Variants in SEPTIN4 observed in about 807,000 individuals in gnomAD.
SEPTIN4 encodes the protein septin 4, also known as septin-4.
SEPTIN4 carries 52 observed loss-of-function variants against 107.1 expected under a neutral mutation model. That is an observed-to-expected ratio of 0.49 (90% CI 0.39 to 0.61). The LOEUF (loss-of-function observed/expected upper bound fraction) is 0.61. Among genes scored for constraint, SEPTIN4 ranks in the 20% least tolerant of loss-of-function variants. The probability of loss-of-function intolerance (pLI) is 0.00; values close to 1 mark genes in which losing one functional copy is unlikely to be tolerated. For missense variants in SEPTIN4, 1,048 were observed against 1,243.5 expected, an observed-to-expected ratio of 0.84 and a Z score of 2.36; for synonymous variants, 417 against 467.0, an observed-to-expected ratio of 0.89 and a Z score of 1.38.
At chr17:58,527,773 G>GC (rs2043086493) in intron 3 of SEPTIN4, 1 of 919,364 alleles carries the variant, frequency 1.1e-6, no homozygotes, top group Non-Finnish European at 1.3e-6. Context: ...GCTTCTGACA[G>GC]CCCCCAACTG....
At chr17:58,525,816 AG>A in intron 5 of SEPTIN4, 35 bp from the exon 6 acceptor site, 1 of 1,578,208 alleles carries the variant, frequency 6.3e-7, no homozygotes, top group Non-Finnish European at 8.7e-7. Context: ...CCAAATCAGA[AG>A]GTAAGATCTA....
chr17:58,525,251 T>C, intron 6 of SEPTIN4, 50 bp from the exon 7 acceptor site: 1 of 1,603,936 alleles, frequency 6.2e-7, no homozygotes, highest in South Asian at 1.1e-5. Flanking sequence ...ACCTGCCCAG[T>C]CAGGATGAAC....
In SEPTIN4 at chr17:58,521,001, C is replaced by T. The variant is rs537484468; in HGVS notation, c.2828G>A (p.Arg943His). The change falls in exon 12 of 14, where the codon CGC (arginine) becomes CAC (histidine). Residue 943 changes from arginine to histidine, a missense_variant. Physicochemically the swap from Arg to His is conservative, Grantham distance 29. This residue lies in a region of SEPTIN4 where 261 missense variants were observed against 371.7 expected (regional missense o/e 0.70). Transcript: ENST00000672673. The surrounding 1 kb of genome is among the most constrained non-coding windows in gnomAD (Gnocchi z 6.4). ...TTGTCCTGGCTTCTGGTCATACTTG[C>T]GATTCCGTTCCTTCACCACCAGGCG... Reference protein sequence around the residue: ...MTRLVVKERNRNKLTRESGTD... With the variant: ...MTRLVVKERNHNKLTRESGTD... The T allele has an allele frequency of 5.0e-5, 80 of 1,613,856 alleles. No individual in the cohort carries two copies. Among genetic ancestry groups the T allele is most frequent in the South Asian group, 1.4e-4 (13 of 91,054 alleles).
Position 58,521,000 on chromosome 17 carries a change from G to T in SEPTIN4, c.2829C>A (p.Arg943=). The T allele has an allele frequency of 6.2e-7, 1 of 1,613,984 alleles. No individual in the cohort carries two copies. The highest frequency in any genetic ancestry group is 1.1e-5 in the South Asian group (1 of 91,064). The change falls in exon 12 of 14, where the codon CGC becomes CGA. Residue 943 remains arginine (R), a splice_region_variant and synonymous_variant. Transcript: ENST00000672673. The part of the protein sequence containing the change: ...MTRLVVKERN[R]NKLTRESGTD... The stretch of plus-strand genomic sequence containing the variant: ...TTTGTCCTGGCTTCTGGTCATACTT[G>T]CGATTCCGTTCCTTCACCACCAGGC...
chr17:58,543,187 T>C lies in SEPTIN4; in HGVS notation c.1000A>G (p.Arg334Gly), dbSNP rs1464040761. 1 of 1,614,024 alleles carries C rather than the reference T, an allele frequency of 6.2e-7. No individual in the cohort carries two copies. Among genetic ancestry groups the C allele is most frequent in the African/African-American group, 1.3e-5 (1 of 74,906 alleles). Residue 334 changes from arginine to glycine, a missense_variant, in exon 1 of 14, where the codon AGG (arginine) becomes GGG (glycine). Arg to Gly is a moderately radical substitution (Grantham distance 125). Around this residue, in one of 2 missense-constraint regions of SEPTIN4, gnomAD observed 787 missense variants for 871.8 expected, o/e 0.90. Coordinates refer to ENST00000672673, the MANE Select transcript of SEPTIN4 (RefSeq NM_001368771.2). ...TGTACCCCTGGGGAGATGGTGACCC[T>C]GCGGCCAACCTCGCTGTTTCCTCGG... ...PIRGNSEVGR[R>G]VTISPGVQSV...
intron 1 of SEPTIN4, among the ~76,000 whole-genome samples, chr17:58,542,214 T>A (rs1477864938): frequency 6.6e-6 from 1 of 152,182 alleles, no homozygotes; most frequent in Non-Finnish European, 1.5e-5. Flanking sequence ...CCAGCTCATC[T>A]GCATCCCACC....
intron 5 of SEPTIN4, 31 bp downstream of exon 5, chr17:58,526,189 C>T: frequency 6.5e-7 from 1 of 1,550,374 alleles, no homozygotes; most frequent in South Asian, 1.2e-5. Flanking sequence ...TGAAACACAC[C>T]CTGCCCAACC....
intron 1 of SEPTIN4, 37 bp downstream of exon 1, chr17:58,542,589 T>C (rs200432023): frequency 1.0e-4 from 157 of 1,566,390 alleles, no homozygotes; most frequent in African/African-American, 1.2e-4. Flanking sequence ...TCTCACTAAA[T>C]TGGGGCTGCA....
intron 3 of SEPTIN4, among the ~76,000 whole-genome samples, chr17:58,537,885 T>C (rs1169797917): frequency 6.6e-6 from 1 of 150,574 alleles, no homozygotes; most frequent in Non-Finnish European, 1.5e-5. Flanking sequence ...TCAGCAGTTC[T>C]GCTCCATTCT....
chr17:58,541,173 C>T (rs2043866599), intron 2 of SEPTIN4, among the ~76,000 whole-genome samples: 1 of 152,160 alleles, frequency 6.6e-6, no homozygotes, highest in Admixed American at 6.5e-5. Flanking sequence ...ATGGAATTCC[C>T]AGGGCTCTCT....
Position 58,523,101 on chromosome 17 carries a change from G to A in SEPTIN4, c.2217-1000C>T, listed in dbSNP as rs1022388774. Among the ~76,000 whole-genome samples, 10 of 152,282 alleles carry A rather than the reference G, an allele frequency of 6.6e-5. 1 individual carries two copies. The South Asian group carries it at 2.1e-3, about 32-fold the overall frequency. On this transcript the variant is annotated intron_variant, in intron 7 of 13. Coordinates refer to ENST00000672673, the MANE Select transcript of SEPTIN4 (RefSeq NM_001368771.2). ...ACAGATTTGCTCCAGGCCAGGTGTG[G>A]TAGTTCACGCCTGTAATCCTAGCAC...
At chr17:58,539,110 A>T (rs1308322778) in intron 3 of SEPTIN4, 1 of 1,526,868 alleles carries the variant, frequency 6.5e-7, no homozygotes, top group East Asian at 2.5e-5. Context: ...ATGCCATCCT[A>T]CCTCCAGAGA....
Position 58,520,828 on chromosome 17 carries a change from T to G in SEPTIN4, c.2846A>C (p.Glu949Ala). The G allele has an allele frequency of 1.2e-6, 2 of 1,611,052 alleles. No individual in the cohort carries two copies. The highest frequency in any genetic ancestry group is 2.2e-5 in the South Asian group (2 of 90,902). Residue 949 changes from glutamate to alanine, a missense_variant, in exon 13 of 14, where the codon GAA becomes GCA. By Grantham distance (107) the Glu-to-Ala change is moderately radical. Around this residue, in one of 2 missense-constraint regions of SEPTIN4, gnomAD observed 261 missense variants for 371.7 expected, o/e 0.70. Coordinates refer to ENST00000672673, the MANE Select transcript of SEPTIN4 (RefSeq NM_001368771.2). ...AGGGATGGGGAAGTCGGTACCACTT[T>G]CCCGAGTCAGTTTGCTAAAGGGAGA... ...KERNRNKLTR[E>A]SGTDFPIPAV...
At chr17:58,540,518 G>GGGGGCA in intron 3 of SEPTIN4, 148 bp downstream of exon 3, 1 of 525,208 alleles carries the variant, frequency 1.9e-6, no homozygotes, top group East Asian at 3.5e-5. Flanking sequence ...CCCTCTACCA[G>GGGGGCA]GTGCTCTTGT....
At position 58,540,657 on chromosome 17, in the gene SEPTIN4, C is replaced by A; in HGVS notation, c.1614+9G>T. On this transcript the variant is annotated intron_variant, in intron 3 of 13. Coordinates refer to ENST00000672673, the MANE Select transcript of SEPTIN4 (RefSeq NM_001368771.2). ...AAGACTGGGAGTAACCTCCCAGGGG[C>A]ATTCTTACCTCCTCATCTGTCATAA... The A allele has an allele frequency of 7.3e-7, 1 of 1,361,894 alleles. No homozygotes were observed. Among genetic ancestry groups the A allele is most frequent in the African/African-American group, 1.5e-5 (1 of 65,936 alleles). The allele number at this position is 1,361,894 out of a possible 1,614,324, so 84.4% of individuals were successfully genotyped here. A position where few individuals can be genotyped will look rare whatever the true frequency, so the allele number is the denominator to read the frequency against.
chr17:58,520,358 G>T lies in SEPTIN4; in HGVS notation c.*68C>A. ...AGCTGAAGGGGCCTGAGCAGAGCTG[G>T]TGCTGGGAGGGGCCGGCATGGACAG... is the stretch of plus-strand genomic sequence containing the variant. On this transcript the variant is annotated 3_prime_UTR_variant, in exon 14 of 14. Coordinates refer to ENST00000672673, the MANE Select transcript of SEPTIN4 (RefSeq NM_001368771.2). The T allele has an allele frequency of 6.7e-7, 1 of 1,490,156 alleles. No homozygotes were observed. Among genetic ancestry groups the T allele is most frequent in the East Asian group, 2.3e-5 (1 of 43,654 alleles). 92.3% of individuals were successfully genotyped at this position (1,490,156 alleles called of 1,614,324 possible). A position where few individuals can be genotyped will look rare whatever the true frequency, so the allele number is the denominator to read the frequency against.
In SEPTIN4 at chr17:58,525,774, A is replaced by T; in HGVS notation, c.2013T>A (p.Ser671=). Residue 671 remains serine, a synonymous_variant, in exon 6 of 14, where the codon TCT becomes TCA. Transcript: ENST00000672673. ...TGACAAGTGTGGATTTGCCCAGGCC[A>T]GACTCTCCTGAGAGGAGAGAGGACA... ...FDFTLMVAGE[S]GLGKSTLVNS... 1.2e-6 allele frequency: 2 copies of T among 1,614,080 alleles called. No homozygotes were observed. Among genetic ancestry groups the T allele is most frequent in the Non-Finnish European group, 1.7e-6 (2 of 1,179,906 alleles).
intron 3 of SEPTIN4, among the ~76,000 whole-genome samples, chr17:58,533,853 C>T (rs890229728): frequency 2.6e-5 from 4 of 152,224 alleles, no homozygotes; most frequent in South Asian, 2.1e-4. Flanking sequence ...ATACCTCTTG[C>T]GTGCTTCCAG....
intron 2 of SEPTIN4, 196 bp downstream of exon 2, chr17:58,541,726 G>C: frequency 2.0e-6 from 3 of 1,473,260 alleles, no homozygotes; most frequent in Non-Finnish European, 2.7e-6. Context: ...AAATGGAAAA[G>C]GTTCCAAGCC....
Sources: allele counts gnomAD v4.1 joint callset (sites outside exome capture counted in the v4.1 genomes callset), GRCh38; gene constraint gnomAD v4.1.1; regional missense constraint gnomAD v4.1.1; non-coding constraint Gnocchi (gnomAD v3.1); transcripts MANE v1.5; gene names NCBI Gene and HGNC (gene_info 2026-07-23, HGNC 2026-07-21).